Variants in RALYL observed in about 807,000 individuals in gnomAD.
RALYL encodes the protein RNA-binding Raly-like protein.
Under a neutral mutation model 35.1 loss-of-function variants are expected in RALYL, and 29 were observed. The ratio of observed to expected loss-of-function variants is 0.83; its 90% CI spans 0.61 to 1.13. The LOEUF (loss-of-function observed/expected upper bound fraction) is 1.13, where lower values mean the gene tolerates loss of function less well. Among genes scored for constraint, RALYL ranks in the 50% most tolerant of loss-of-function variants. RALYL has a pLI of 0.00. For synonymous variants in RALYL, 120 were observed against 127.6 expected (o/e 0.94, Z 0.40); for missense variants, 359 against 360.4 (o/e 1.00, Z 0.03).
intron 8 of RALYL, among the ~76,000 whole-genome samples, chr8:84,899,107 C>G (rs1563832417): frequency 6.6e-6 from 1 of 152,126 alleles, no homozygotes; most frequent in Non-Finnish European, 1.5e-5. Context: ...TTTACATATG[C>G]TGTTCCCTCT....
chr8:84,549,566 A>T (rs2060581899), intron 2 of RALYL, among the ~76,000 whole-genome samples: 2 of 152,204 alleles, frequency 1.3e-5, no homozygotes, highest in Admixed American at 1.3e-4. Flanking sequence ...CTCCCCTGAT[A>T]AGGAGGTCTT....
chr8:84,705,925 T>C, intron 2 of RALYL: 2 of 1,502,134 alleles, frequency 1.3e-6, no homozygotes, highest in South Asian at 2.6e-5. Flanking sequence ...TTACCTTCTG[T>C]CAGTGAGCAA....
At chr8:84,913,040 G>GTAGGTAGC (rs372305617) in intron 8 of RALYL, among the ~76,000 whole-genome samples, 1 of 130,060 alleles carries the variant, frequency 7.7e-6, no homozygotes, top group Non-Finnish European at 1.6e-5. Context: ...GGATAGGTAG[G>GTAGGTAGC]TAGATAGATA....
intron 2 of RALYL, among the ~76,000 whole-genome samples, chr8:84,700,022 T>C (rs1203562871): frequency 6.6e-6 from 1 of 152,130 alleles, no homozygotes; most frequent in African/African-American, 2.4e-5. Context: ...CCAAAGGATA[T>C]GATAAAGAAG....
At chr8:84,705,670 G>T (rs140138144) in intron 2 of RALYL, among the ~76,000 whole-genome samples, 1,909 of 152,156 alleles carry the variant, frequency 0.013, 44 homozygotes, top group African/African-American at 0.043. Context: ...TTTATATTTA[G>T]ATTTTCAGTT....
At chr8:84,539,880 A>ATGTGTG (rs2059900257) in intron 2 of RALYL, among the ~76,000 whole-genome samples, 1 of 25,006 alleles carries the variant, frequency 4.0e-5, no homozygotes, top group African/African-American at 7.9e-5. Flanking sequence ...ATATATATGT[A>ATGTGTG]TATATATGTG....
intron 8 of RALYL, among the ~76,000 whole-genome samples, chr8:84,898,950 C>T (rs1421991617): frequency 6.6e-6 from 1 of 152,146 alleles, no homozygotes; most frequent in Non-Finnish European, 1.5e-5. Flanking sequence ...AGATTTAAAA[C>T]CGTTTGAGCC....
chr8:84,758,547 G>A (rs1439990030), intron 2 of RALYL, among the ~76,000 whole-genome samples: 1 of 152,154 alleles, frequency 6.6e-6, no homozygotes, highest in African/African-American at 2.4e-5. Flanking sequence ...GGTTTAGGTG[G>A]AGGAGGATTA....
In RALYL at chr8:84,438,912, T is replaced by C. The variant is rs542553399; in HGVS notation, c.-23-90387T>C. Reference sequence around the variant, plus strand: ...GGCTGTAGGTGTGCAGCTTTATTTCTGGGTTCCCTATTATGTTCCCTTGGT... The same window carrying C: ...GGCTGTAGGTGTGCAGCTTTATTTCCGGGTTCCCTATTATGTTCCCTTGGT... On this transcript the variant is annotated intron_variant, in intron 1 of 8. Transcript: ENST00000521268. Among the ~76,000 whole-genome samples the C allele has an allele frequency of 4.6e-5, 7 of 151,366 alleles. No individual in the cohort carries two copies. The East Asian group carries it at 1.4e-3, about 30-fold the overall frequency.
intron 1 of RALYL, among the ~76,000 whole-genome samples, chr8:84,514,525 G>A (rs528154624): frequency 6.6e-6 from 1 of 152,230 alleles, no homozygotes; most frequent in South Asian, 2.1e-4. Context: ...CTTGAAAGTT[G>A]TGTACTCACA....
At chr8:84,318,038 C>A (rs1038240112) in intron 1 of RALYL, among the ~76,000 whole-genome samples, 12 of 152,060 alleles carry the variant, frequency 7.9e-5, no homozygotes, top group African/African-American at 2.9e-4. Flanking sequence ...TTGTAGACAA[C>A]GAAAATAGCC....
At chr8:84,672,388 C>G (rs186984219) in intron 2 of RALYL, among the ~76,000 whole-genome samples, 62 of 152,330 alleles carry the variant, frequency 4.1e-4, no homozygotes, top group African/African-American at 1.4e-3. Flanking sequence ...AAGTTCCAAA[C>G]TTTCCCACAT....
intron 1 of RALYL, among the ~76,000 whole-genome samples, chr8:84,500,429 C>T (rs546506536): frequency 2.8e-4 from 42 of 152,216 alleles, no homozygotes; most frequent in African/African-American, 9.1e-4. Flanking sequence ...TAAGACCTTA[C>T]GCAGTAGCTC....
chr8:84,831,356 C>A lies in RALYL; in HGVS notation c.366-18624C>A, dbSNP rs1172972872. On this transcript the variant is annotated intron_variant, in intron 4 of 8. Coordinates refer to ENST00000521268, the MANE Select transcript of RALYL (RefSeq NM_173848.7). ...ATTTTTGTGGGAAAGGATTGTAACA[C>A]AAGAACTCTGTGTTCAGCTATGTCA... is the stretch of plus-strand genomic sequence containing the variant. Among the ~76,000 whole-genome samples the A allele has an allele frequency of 2.6e-5, 4 of 151,386 alleles. No homozygotes were observed. In the East Asian group the frequency reaches 7.7e-4, roughly 29 times the overall value.
intron 3 of RALYL, among the ~76,000 whole-genome samples, chr8:84,785,592 C>A (rs184864175): frequency 2.0e-4 from 31 of 152,076 alleles, no homozygotes; most frequent in African/African-American, 7.0e-4. Flanking sequence ...TAATTCCATC[C>A]TTTGAAGTAT....
chr8:84,777,212 C>G (rs1418717376), intron 3 of RALYL, among the ~76,000 whole-genome samples: 1 of 152,110 alleles, frequency 6.6e-6, no homozygotes, highest in African/African-American at 2.4e-5. Flanking sequence ...GAAATGTGCT[C>G]GGTTTTCAGC....
chr8:84,510,611 GACCAGCCTGACCAACATGGAGAA>G (rs1375713601), intron 1 of RALYL, among the ~76,000 whole-genome samples: 10 of 152,072 alleles, frequency 6.6e-5, no homozygotes, highest in Admixed American at 3.9e-4. Flanking sequence ...ACGAGTTCAA[GACCAGCCTGACCAACATGGAGAA>G]ACCCCATCTC....
chr8:84,353,303 G>C lies in RALYL; in HGVS notation c.-24+168879G>C, dbSNP rs190050407. 2.0e-5 allele frequency among the ~76,000 whole-genome samples: 3 copies of C among 150,048 alleles called. 1 individual carries two copies. The highest frequency in any genetic ancestry group is 7.5e-5 in the African/African-American group (3 of 40,240). On this transcript the variant is annotated intron_variant, in intron 1 of 8. Transcript: ENST00000521268. ...AGCCCACTCCAGTGAGTCATTCACT[G>C]TACTGTCTTGGTGATATCTGTAAAC...
intron 2 of RALYL, among the ~76,000 whole-genome samples, chr8:84,601,994 CA>C (rs1816076527): frequency 6.6e-6 from 1 of 152,022 alleles, no homozygotes; most frequent in Non-Finnish European, 1.5e-5. Context: ...CGCTATTTCC[CA>C]AAGTTCCCTT....
Sources: allele counts gnomAD v4.1 joint callset (sites outside exome capture counted in the v4.1 genomes callset), GRCh38; gene constraint gnomAD v4.1.1; transcripts MANE v1.5; gene names NCBI Gene and HGNC (gene_info 2026-07-23, HGNC 2026-07-21).